Variants in IFT122 observed in about 807,000 individuals in gnomAD.
The protein encoded by IFT122 is intraflagellar transport 122, also known as intraflagellar transport protein 122 homolog.
IFT122 carries 118 observed loss-of-function variants against 161.6 expected under a neutral mutation model. The observed-to-expected ratio is 0.73, with a 90% confidence interval of 0.63 to 0.85. IFT122 has a LOEUF of 0.85. Among genes scored for constraint, IFT122 ranks in the 40% least tolerant of loss-of-function variants. The pLI is 0.00. For synonymous variants in IFT122, 550 were observed against 602.4 expected (o/e 0.91, Z 1.27); for missense variants, 1,381 against 1,579.6 (o/e 0.87, Z 2.13).
At chr3:129,519,316 G>A in intron 28 of IFT122, 130 bp downstream of exon 28, 1 of 1,008,008 alleles carries the variant, frequency 9.9e-7, no homozygotes, top group Admixed American at 1.9e-5. Flanking sequence ...TGGCACGAAG[G>A]AGGGGCAGGA....
chr3:129,449,360 A>C (rs1451527399), intron 1 of IFT122, among the ~76,000 whole-genome samples: 2 of 152,196 alleles, frequency 1.3e-5, no homozygotes, highest in African/African-American at 4.8e-5. Flanking sequence ...GAAAATGTGA[A>C]AAAAAAATGT....
intron 17 of IFT122, among the ~76,000 whole-genome samples, chr3:129,493,500 C>T (rs1402642047): frequency 3.3e-5 from 5 of 152,244 alleles, no homozygotes; most frequent in Non-Finnish European, 7.3e-5. Context: ...CTCCCTATTC[C>T]ATGCAGGAGG....
At chr3:129,482,904 C>T (rs2078846068) in intron 14 of IFT122, among the ~76,000 whole-genome samples, 1 of 152,212 alleles carries the variant, frequency 6.6e-6, no homozygotes, top group South Asian at 2.1e-4. Flanking sequence ...CACCTCCCAC[C>T]TATAGGGGGC....
chr3:129,514,341 T>C (rs749300450), intron 24 of IFT122, 48 bp from the exon 25 acceptor site: 2 of 1,605,718 alleles, frequency 1.2e-6, no homozygotes, highest in Non-Finnish European at 1.7e-6. Flanking sequence ...CAGTGCCAGC[T>C]CCTGGGCCTG....
At chr3:129,495,697 T>C in intron 18 of IFT122, 90 bp downstream of exon 18, 1 of 1,458,146 alleles carries the variant, frequency 6.9e-7, no homozygotes, top group South Asian at 1.2e-5. Flanking sequence ...CCAAGAGTGC[T>C]GCGGACAAAA....
chr3:129,456,848 G>A (rs1328691909), intron 3 of IFT122, among the ~76,000 whole-genome samples: 5 of 152,324 alleles, frequency 3.3e-5, no homozygotes, highest in Non-Finnish European at 4.4e-5. Context: ...CCCGGGAGTC[G>A]GAGGTTGCGG....
chr3:129,449,310 C>A (rs2074450194), intron 1 of IFT122, among the ~76,000 whole-genome samples: 1 of 152,058 alleles, frequency 6.6e-6, no homozygotes, highest in South Asian at 2.1e-4. Flanking sequence ...GCCAGTTACA[C>A]TGAAACATCA....
intron 11 of IFT122, 146 bp downstream of exon 11, chr3:129,476,947 T>TG (rs2078023848): frequency 3.1e-6 from 1 of 317,584 alleles, no homozygotes; most frequent in African/African-American, 2.4e-5. Flanking sequence ...CTTGTTTTCT[T>TG]TTTTTTTTTT....
At chr3:129,455,162 T>G (rs567833817) in intron 3 of IFT122, among the ~76,000 whole-genome samples, 1 of 152,068 alleles carries the variant, frequency 6.6e-6, no homozygotes, top group South Asian at 2.1e-4. Context: ...CTCCTTTAAG[T>G]TCATTAAGTT....
At chr3:129,479,945 T>G (rs1339333214) in intron 13 of IFT122, 23 bp downstream of exon 13, 4 of 1,613,526 alleles carry the variant, frequency 2.5e-6, no homozygotes, top group Non-Finnish European at 3.4e-6. Context: ...TCACGTCTCC[T>G]GTCAGGCTGA....
intron 14 of IFT122, among the ~76,000 whole-genome samples, chr3:129,482,698 T>G (rs2078818301): frequency 1.3e-5 from 2 of 152,206 alleles, no homozygotes; most frequent in South Asian, 4.1e-4. Flanking sequence ...TGACCTGGGC[T>G]TGGGTCCTGC....
chr3:129,451,616 A>G (rs1306096816), intron 2 of IFT122, among the ~76,000 whole-genome samples: 1 of 152,228 alleles, frequency 6.6e-6, no homozygotes, highest in African/African-American at 2.4e-5. Flanking sequence ...TCAATCATAT[A>G]TCCAAATTCA....
chr3:129,441,969 A>T (rs532993714), intron 1 of IFT122, among the ~76,000 whole-genome samples: 6 of 152,320 alleles, frequency 3.9e-5, no homozygotes, highest in African/African-American at 1.2e-4. Context: ...GCTGCTGCTC[A>T]GCTCCTGCCA....
intron 19 of IFT122, among the ~76,000 whole-genome samples, 167 bp from the exon 20 acceptor site, chr3:129,502,544 G>A (rs2081693793): frequency 2.6e-5 from 4 of 152,146 alleles, no homozygotes; most frequent in African/African-American, 9.7e-5. Context: ...CCCAGATCCT[G>A]GTGATGTTTC....
intron 26 of IFT122, among the ~76,000 whole-genome samples, chr3:129,516,076 AACACACACACAGACTGCTCCTGCAC>A (rs1198171647): frequency 1.9e-5 from 2 of 104,880 alleles, no homozygotes; most frequent in Admixed American, 1.0e-4. Context: ...ACTGTCCCTG[AACACACACACAGACTGCTCCTGCAC>A]ACACACACAC....
chr3:129,494,676 G>C (rs2080611666), intron 17 of IFT122, among the ~76,000 whole-genome samples: 1 of 131,164 alleles, frequency 7.6e-6, no homozygotes, highest in South Asian at 3.1e-4. Flanking sequence ...CTTTATCCTA[G>C]CTGTGCTAAG....
At chr3:129,500,145 A>G (rs2081356680) in intron 19 of IFT122, 77 bp downstream of exon 19, 1 of 1,510,512 alleles carries the variant, frequency 6.6e-7, no homozygotes, top group East Asian at 2.3e-5. Flanking sequence ...CAAGGGAACC[A>G]ATAGTGCTTT....
At chr3:129,520,034 TCAAA>T (rs1398994420) in intron 29 of IFT122, 138 bp from the exon 30 acceptor site, 4 of 750,500 alleles carry the variant, frequency 5.3e-6, no homozygotes, top group South Asian at 1.5e-5. Flanking sequence ...CTTCCAGCCC[TCAAA>T]CAAAGGTGCT....
At chr3:129,512,224 A>C in intron 23 of IFT122, 88 bp from the exon 24 acceptor site, 3 of 892,900 alleles carry the variant, frequency 3.4e-6, no homozygotes, top group Non-Finnish European at 5.8e-6. Context: ...TGTTGATGTC[A>C]CTCAGAATTA....
Sources: gnomAD v4.1 joint callset for allele counts (sites outside exome capture counted in the v4.1 genomes callset) on GRCh38, gnomAD v4.1.1 for gene constraint, MANE v1.5 for transcripts, NCBI Gene and HGNC (gene_info 2026-07-23, HGNC 2026-07-21) for gene names.